The following MAST4 variants were observed in gnomAD, a reference collection of about 807,000 sequenced individuals.
The protein encoded by MAST4 is microtubule-associated serine/threonine-protein kinase 4.
In MAST4, 89 loss-of-function variants were observed where a neutral mutation model predicts 162.7. The ratio of observed to expected loss-of-function variants is 0.55; its 90% confidence interval spans 0.46 to 0.65. MAST4 has a LOEUF of 0.65. MAST4 is among the 30% of genes least tolerant of loss of function. The probability of loss-of-function intolerance (pLI) is 0.00; values close to 1 mark genes in which losing one functional copy is unlikely to be tolerated. For missense variants in MAST4, 3,153 were observed against 3,374.0 expected (o/e 0.93, Z 1.62); for synonymous variants, 1,479 against 1,361.1 (o/e 1.09, Z -1.91).
intron 7 of MAST4, among the ~76,000 whole-genome samples, chr5:67,097,903 C>G (rs1221277432): frequency 6.6e-6 from 1 of 152,100 alleles, no homozygotes; most frequent in African/African-American, 2.4e-5. Flanking sequence ...AGCTACTTCT[C>G]TATTTTTCTC....
chr5:66,827,458 C>T (rs530060202), intron 3 of MAST4, among the ~76,000 whole-genome samples: 1 of 152,268 alleles, frequency 6.6e-6, no homozygotes, highest in South Asian at 2.1e-4. Context: ...AAAATGCAAT[C>T]AATTTTCCTC....
intron 1 of MAST4, among the ~76,000 whole-genome samples, chr5:66,652,323 A>C (rs1240209468): frequency 1.3e-5 from 2 of 152,176 alleles, no homozygotes. Context: ...TGTTCATTGT[A>C]ATCATATCAC....
intron 4 of MAST4, among the ~76,000 whole-genome samples, chr5:66,925,293 G>C (rs1764817520): frequency 1.3e-5 from 2 of 152,094 alleles, no homozygotes; most frequent in African/African-American, 2.4e-5. Flanking sequence ...AGTTGTTTAA[G>C]GTACTGAGGC....
At chr5:66,616,701 A>G (rs187787035) in intron 1 of MAST4, among the ~76,000 whole-genome samples, 1 of 152,326 alleles carries the variant, frequency 6.6e-6, no homozygotes, top group East Asian at 1.9e-4. Context: ...CTCTGTGTGA[A>G]GGAACAGCCT....
At chr5:67,089,766 C>T (rs1265830190) in intron 5 of MAST4, among the ~76,000 whole-genome samples, 1 of 152,152 alleles carries the variant, frequency 6.6e-6, no homozygotes, top group Admixed American at 6.5e-5. Context: ...TGGAAAACAC[C>T]TCCAACTGAA....
chr5:66,665,881 A>G (rs1366051011), intron 1 of MAST4, among the ~76,000 whole-genome samples: 1 of 152,210 alleles, frequency 6.6e-6, no homozygotes, highest in Non-Finnish European at 1.5e-5. Context: ...AGTGCCTAGC[A>G]CATAGAAAAT....
chr5:66,900,317 A>G (rs1762929273), intron 4 of MAST4, among the ~76,000 whole-genome samples: 1 of 152,084 alleles, frequency 6.6e-6, no homozygotes, highest in Non-Finnish European at 1.5e-5. Context: ...ATGTTCTGAA[A>G]TCCATAATTT....
intron 4 of MAST4, among the ~76,000 whole-genome samples, chr5:67,049,020 T>TACGTGTATATATATAC (rs1561576133): frequency 2.5e-4 from 26 of 102,922 alleles, no homozygotes; most frequent in Non-Finnish European, 4.4e-4. Flanking sequence ...TATATATATA[T>TACGTGTATATATATAC]ACGTATATAT....
At chr5:66,845,126 T>TATATATATACACACACAC (rs1358855625) in intron 3 of MAST4, among the ~76,000 whole-genome samples, 2 of 67,172 alleles carry the variant, frequency 3.0e-5, no homozygotes, top group African/African-American at 1.1e-4. Flanking sequence ...TATATATATA[T>TATATATATACACACACAC]ACACACACAC....
At chr5:67,090,496 G>T (rs1050687152) in intron 6 of MAST4, among the ~76,000 whole-genome samples, 4 of 135,866 alleles carry the variant, frequency 2.9e-5, no homozygotes, top group African/African-American at 1.1e-4. Flanking sequence ...GCCTTGTGAG[G>T]TCCTGCTCAT....
chr5:66,597,975 C>CA (rs1742310472), intron 1 of MAST4, among the ~76,000 whole-genome samples: 1 of 152,082 alleles, frequency 6.6e-6, no homozygotes, highest in South Asian at 2.1e-4. Context: ...ACAAATAAAA[C>CA]ATCACCTTAA....
intron 3 of MAST4, among the ~76,000 whole-genome samples, chr5:66,879,211 G>A (rs1761514239): frequency 6.6e-6 from 1 of 152,030 alleles, no homozygotes; most frequent in Non-Finnish European, 1.5e-5. Flanking sequence ...CCCGGGAGGC[G>A]GAGCTTGCAG....
At chr5:66,731,777 G>A (rs1000947270) in intron 1 of MAST4, among the ~76,000 whole-genome samples, 3 of 151,662 alleles carry the variant, frequency 2.0e-5, no homozygotes, top group African/African-American at 7.3e-5. Flanking sequence ...CCTCTTAGCT[G>A]GATTTTCACC....
Position 67,167,047 on chromosome 5 carries a change from TG to T in MAST4, c.7869del (p.Leu2623PhefsTer62). 2 of 1,578,270 alleles carry T rather than the reference TG, an allele frequency of 1.3e-6. No homozygotes were observed. Among genetic ancestry groups the T allele is most frequent in the Non-Finnish European group, 1.7e-6 (2 of 1,161,814 alleles). On this transcript the variant is annotated frameshift_variant, in exon 29 of 29. Coordinates refer to ENST00000403625, the MANE Select transcript of MAST4 (RefSeq NM_001164664.2). LOFTEE classifies it high-confidence loss of function. ...CGTAGCAGCCCTCACAAAAAGGCCT[TG>T]TAACGGGGAGGGCCCAGGGGCAGGA... is the stretch of plus-strand genomic sequence containing the variant. The part of the protein sequence containing the change: ...SLRSSPHKKA[L>X]
intron 1 of MAST4, among the ~76,000 whole-genome samples, chr5:66,615,733 A>G (rs1396782349): frequency 1.3e-5 from 2 of 152,126 alleles, no homozygotes; most frequent in Non-Finnish European, 2.9e-5. Flanking sequence ...GATTGAGCCC[A>G]GGAATTTGAG....
chr5:66,715,931 T>C (rs1299073586), intron 1 of MAST4, among the ~76,000 whole-genome samples: 1 of 152,120 alleles, frequency 6.6e-6, no homozygotes, highest in Admixed American at 6.5e-5. Flanking sequence ...AATTGCATTC[T>C]ACTAATAGTT....
intron 1 of MAST4, among the ~76,000 whole-genome samples, chr5:66,621,575 A>T (rs1450820542): frequency 2.0e-5 from 3 of 152,190 alleles, no homozygotes; most frequent in Non-Finnish European, 2.9e-5. Flanking sequence ...CTTTGCTCTT[A>T]TGTTTTAGGT....
chr5:67,109,298 A>G (rs1290210563), intron 10 of MAST4, among the ~76,000 whole-genome samples: 2 of 152,176 alleles, frequency 1.3e-5, no homozygotes, highest in East Asian at 3.8e-4. Flanking sequence ...TTAAAGCACC[A>G]ACATGATAAC....
At position 67,162,641 on chromosome 5, in the gene MAST4, C is replaced by A. The variant is rs1414481295; in HGVS notation, c.3820C>A (p.Pro1274Thr). 2 of 1,613,786 alleles carry A rather than the reference C, an allele frequency of 1.2e-6. No individual in the cohort carries two copies. Among genetic ancestry groups the A allele is most frequent in the Admixed American group, 3.3e-5 (2 of 59,984 alleles). The change falls in exon 28 of 29, where the codon CCT becomes ACT. Residue 1274 changes from proline to threonine, a missense_variant. Transcript: ENST00000403625. Reference protein sequence around the residue: ...RSLFKKLAKQPSPLLHTSRSF... With the variant: ...RSLFKKLAKQTSPLLHTSRSF... Reference sequence around the variant, plus strand: ...TCTTTTCAAAAAGCTAGCCAAGCAGCCTTCTCCTTTACTCCACACCAGCCG... The same window carrying A: ...TCTTTTCAAAAAGCTAGCCAAGCAGACTTCTCCTTTACTCCACACCAGCCG...
Sources: allele counts gnomAD v4.1 joint callset (sites outside exome capture counted in the v4.1 genomes callset), GRCh38; gene constraint gnomAD v4.1.1; transcripts MANE v1.5; gene names NCBI Gene and HGNC (gene_info 2026-07-23, HGNC 2026-07-21).